Variants in ZNF493 observed in about 807,000 individuals in gnomAD.
ZNF493 encodes zinc finger protein 493.
Under a neutral mutation model 12.2 loss-of-function variants are expected in ZNF493, and 11 were observed. The ratio of observed to expected loss-of-function variants is 0.90; its 90% confidence interval spans 0.57 to 1.50. The LOEUF is 1.50. Among genes scored for constraint, ZNF493 ranks in the 40% most tolerant of loss-of-function variants. ZNF493 has a pLI of 0.00. For synonymous variants in ZNF493, 286 were observed against 302.6 expected, an observed-to-expected ratio of 0.95 and a Z score of 0.57; for missense variants, 950 against 906.6, an observed-to-expected ratio of 1.05 and a Z score of -0.61.
chr19:21,409,578 T>G (rs1007583578), intron 3 of ZNF493, among the ~76,000 whole-genome samples: 2 of 152,046 alleles, frequency 1.3e-5, no homozygotes, highest in African/African-American at 4.8e-5. Flanking sequence ...AGTCTCTCTT[T>G]ACAAAAATTT....
At position 21,397,206 on chromosome 19, in the gene ZNF493, G is replaced by A. The variant is rs1467406243; in HGVS notation, c.-32G>A. 6.2e-7 allele frequency: 1 copy of A among 1,614,076 alleles called. No homozygotes were observed. The highest frequency in any genetic ancestry group is 8.5e-7 in the Non-Finnish European group (1 of 1,179,948). The stretch of plus-strand genomic sequence containing the variant: ...GTGTCCTCAGCGTGTGTGGCTTCGT[G>A]ACCTGAAGATACTGGGAAATCCATA... On this transcript the variant is annotated 5_prime_UTR_variant, in exon 1 of 4. Coordinates refer to ENST00000392288, the MANE Select transcript of ZNF493 (RefSeq NM_001076678.3).
At chr19:21,407,161 A>G (rs993315928) in intron 3 of ZNF493, among the ~76,000 whole-genome samples, 6 of 152,096 alleles carry the variant, frequency 3.9e-5, no homozygotes, top group Non-Finnish European at 8.8e-5. Flanking sequence ...TAGTCTCGCC[A>G]TTATGGTGAA....
At chr19:21,400,368 C>T (rs1162438534) in intron 1 of ZNF493, among the ~76,000 whole-genome samples, 1 of 152,012 alleles carries the variant, frequency 6.6e-6, no homozygotes, top group South Asian at 2.1e-4. Flanking sequence ...CAAGATTGTA[C>T]CACTGTACTC....
intron 1 of ZNF493, chr19:21,398,249 TA>T (rs1974204511): frequency 6.5e-6 from 1 of 152,908 alleles, no homozygotes; most frequent in Non-Finnish European, 1.5e-5. Flanking sequence ...TTTTATACCA[TA>T]TTTTAATTAT....
Position 21,426,714 on chromosome 19 carries a change from C to A in ZNF493, c.*1730C>A, listed in dbSNP as rs76060882. The A allele has an allele frequency of 6.0e-6, 1 of 166,438 alleles. No individual in the cohort carries two copies. 10.3% of individuals were successfully genotyped at this position (166,438 alleles called of 1,614,324 possible). A position where few individuals can be genotyped will look rare whatever the true frequency, so the allele number is the denominator to read the frequency against. On this transcript the variant is annotated 3_prime_UTR_variant, in exon 4 of 4. Coordinates refer to ENST00000392288, the MANE Select transcript of ZNF493 (RefSeq NM_001076678.3). ...AGCTTAGAAAACACCAGAGTTTATACGAAAATATATTTTCAAAGGTGTAGT... is the reference window on the plus strand; with the variant it reads ...AGCTTAGAAAACACCAGAGTTTATAAGAAAATATATTTTCAAAGGTGTAGT...
chr19:21,414,508 C>T (rs763816238), intron 3 of ZNF493: 2 of 152,182 alleles, frequency 1.3e-5, no homozygotes, highest in African/African-American at 4.8e-5. Flanking sequence ...GGTGTATGAG[C>T]GAGCCCTAAT....
Position 21,425,167 on chromosome 19 carries a change from A to G in ZNF493, c.*183A>G. ...TACCTTACTAAATATAAGATAATTCATATTGGAGAGAAATTCTACAGATGT... is the reference window on the plus strand; with the variant it reads ...TACCTTACTAAATATAAGATAATTCGTATTGGAGAGAAATTCTACAGATGT... On this transcript the variant is annotated 3_prime_UTR_variant, in exon 4 of 4. Transcript: ENST00000392288. The G allele has an allele frequency of 1.3e-6, 1 of 764,014 alleles. No homozygotes were observed. The highest frequency in any genetic ancestry group is 1.7e-5 in the South Asian group (1 of 60,504). 47.3% of individuals were successfully genotyped at this position (764,014 alleles called of 1,614,324 possible). A position where few individuals can be genotyped will look rare whatever the true frequency, so the allele number is the denominator to read the frequency against.
intron 1 of ZNF493, 117 bp downstream of exon 1, chr19:21,397,384 A>G (rs1345779213): frequency 3.9e-6 from 5 of 1,292,038 alleles, no homozygotes; most frequent in Non-Finnish European, 5.6e-6. Context: ...CTGCTCCCTG[A>G]GTTCTCCTTG....
In ZNF493 at chr19:21,424,870, A is replaced by T. The variant is rs1002300781; in HGVS notation, c.2211A>T (p.Gly737=). 1 of 1,613,448 alleles carries T rather than the reference A, an allele frequency of 6.2e-7. No homozygotes were observed. Among genetic ancestry groups the T allele is most frequent in the Admixed American group, 1.7e-5 (1 of 59,934 alleles). Residue 737 remains glycine (G), a synonymous_variant, in exon 4 of 4, where the codon GGA becomes GGT. Transcript: ENST00000392288. ...TTAAACATAAGCTAATTCATACTGG[A>T]GACAAACCCTACAAATGTGAAGCAT... is the stretch of plus-strand genomic sequence containing the variant. ...NLIKHKLIHT[G]DKPYKCEACG... is the part of the protein sequence containing the mutation.
intron 3 of ZNF493, among the ~76,000 whole-genome samples, chr19:21,407,045 A>G (rs1398106300): frequency 6.6e-6 from 1 of 151,816 alleles, no homozygotes; most frequent in African/African-American, 2.4e-5. Context: ...TTTTAATTAT[A>G]TTTTTAAAAA....
chr19:21,426,360 G>T lies in ZNF493; in HGVS notation c.*1376G>T, dbSNP rs1418994360. ...GAGAAAAATTGTAGAAATATAGACT[G>T]TGAAAAAGACGTCAATATCTGCTCA... is the stretch of plus-strand genomic sequence containing the variant. On this transcript the variant is annotated 3_prime_UTR_variant, in exon 4 of 4. Coordinates refer to ENST00000392288, the MANE Select transcript of ZNF493 (RefSeq NM_001076678.3). 1 of 172,732 alleles carries T rather than the reference G, an allele frequency of 5.8e-6. No homozygotes were observed. The highest frequency in any genetic ancestry group is 1.4e-5 in the Non-Finnish European group (1 of 71,534). 10.7% of individuals were successfully genotyped at this position (172,732 alleles called of 1,614,324 possible).
chr19:21,405,118 G>C lies in ZNF493; in HGVS notation c.31-11G>C, dbSNP rs761821828. On this transcript the variant is annotated splice_polypyrimidine_tract_variant and intron_variant, in intron 1 of 3. Coordinates refer to ENST00000392288, the MANE Select transcript of ZNF493 (RefSeq NM_001076678.3). ...TGTGTGTGTGTGTGTGTTTGTGTGTGTTTGTTTCAGGGGCCGTTGACATTT... is the reference window on the plus strand; with the variant it reads ...TGTGTGTGTGTGTGTGTTTGTGTGTCTTTGTTTCAGGGGCCGTTGACATTT... The C allele has an allele frequency of 6.2e-6, 10 of 1,611,392 alleles. No homozygotes were observed. Among genetic ancestry groups the C allele is most frequent in the Admixed American group, 3.4e-5 (2 of 59,546 alleles).
At chr19:21,413,074 A>T in intron 3 of ZNF493, 1 of 292,686 alleles carries the variant, frequency 3.4e-6, no homozygotes, top group South Asian at 2.9e-5. Flanking sequence ...TTTAAGCTAA[A>T]CATCCCCTTA....
In ZNF493 at chr19:21,422,947, A is replaced by G. The variant is rs779396317; in HGVS notation, c.288A>G (p.Pro96=). 1.9e-6 allele frequency: 3 copies of G among 1,574,878 alleles called. No homozygotes were observed. Among genetic ancestry groups the G allele is most frequent in the African/African-American group, 2.7e-5 (2 of 73,138 alleles). ...ICSHFAEDFC[P]GPGIKDSFQK... ...CTCATTTTGCTGAAGACTTTTGCCCAGGGCCAGGCATTAAAGATTCTTTTC... is the reference window on the plus strand; with the variant it reads ...CTCATTTTGCTGAAGACTTTTGCCCGGGGCCAGGCATTAAAGATTCTTTTC... Residue 96 remains proline (P), a synonymous_variant, in exon 4 of 4, where the codon CCA becomes CCG. Transcript: ENST00000392288.
In ZNF493 at chr19:21,423,768, T is replaced by C. The variant is rs1482697488; in HGVS notation, c.1109T>C (p.Ile370Thr). 4 of 1,613,232 alleles carry C rather than the reference T, an allele frequency of 2.5e-6. No homozygotes were observed. Among genetic ancestry groups the C allele is most frequent in the Non-Finnish European group, 2.5e-6 (3 of 1,179,418 alleles). The change falls in exon 4 of 4, where the codon ATT (isoleucine) becomes ACT (threonine). Residue 370 changes from isoleucine to threonine, a missense_variant. Physicochemically the swap from Ile to Thr is moderately conservative, Grantham distance 89. Coordinates refer to ENST00000392288, the MANE Select transcript of ZNF493 (RefSeq NM_001076678.3). ...ESSHLTTHKRIHTGEKPYKCE... is the reference protein window; with the variant it reads ...ESSHLTTHKRTHTGEKPYKCE... Reference sequence around the variant, plus strand: ...TCACACCTTACTACACATAAAAGAATTCATACTGGAGAGAAACCCTACAAA... The same window carrying C: ...TCACACCTTACTACACATAAAAGAACTCATACTGGAGAGAAACCCTACAAA...
At position 21,423,674 on chromosome 19, in the gene ZNF493, C is replaced by A; in HGVS notation, c.1015C>A (p.His339Asn). 3 of 1,613,738 alleles carry A rather than the reference C, an allele frequency of 1.9e-6. No individual in the cohort carries two copies. Among genetic ancestry groups the A allele is most frequent in the Non-Finnish European group, 2.5e-6 (3 of 1,179,838 alleles). Residue 339 changes from histidine (H) to asparagine (N), a missense_variant, in exon 4 of 4, where the codon CAT (histidine) becomes AAT (asparagine). By Grantham distance (68) the His-to-Asn change is moderately conservative (BLOSUM62 1). Transcript: ENST00000392288. Reference sequence around the variant, plus strand: ...TAGTATTTTCTCAACCCCTACTAAACATAAGATAATTCACACTGAAGAGAA... The same window carrying A: ...TAGTATTTTCTCAACCCCTACTAAAAATAAGATAATTCACACTGAAGAGAA... Reference protein sequence around the residue: ...AFSIFSTPTKHKIIHTEEKSH... With the variant: ...AFSIFSTPTKNKIIHTEEKSH...
At chr19:21,397,365 C>G (rs767683839) in intron 1 of ZNF493, 98 bp downstream of exon 1, 1 of 1,385,328 alleles carries the variant, frequency 7.2e-7, no homozygotes, top group African/African-American at 1.4e-5. Context: ...CCGCAGTCAG[C>G]TCCACAATCT....
At chr19:21,418,744 C>T (rs554562045) in intron 3 of ZNF493, among the ~76,000 whole-genome samples, 1 of 152,254 alleles carries the variant, frequency 6.6e-6, no homozygotes, top group South Asian at 2.1e-4. Context: ...GAAAGTATCC[C>T]TTATGGGAAA....
intron 1 of ZNF493, among the ~76,000 whole-genome samples, chr19:21,401,666 C>G (rs576701598): frequency 2.0e-5 from 3 of 151,758 alleles, no homozygotes; most frequent in African/African-American, 7.3e-5. Flanking sequence ...CACTCTGTCG[C>G]CCAGGCTGGA....
Sources: allele counts gnomAD v4.1 joint callset (sites outside exome capture counted in the v4.1 genomes callset), GRCh38; gene constraint gnomAD v4.1.1; transcripts MANE v1.5; gene names NCBI Gene and HGNC (gene_info 2026-07-23, HGNC 2026-07-21).